ANKHD1: variants seen among roughly 807,000 people sequenced by gnomAD.
ANKHD1 encodes the protein ankyrin repeat and KH domain containing 1.
Under a neutral mutation model 230.5 loss-of-function variants are expected in ANKHD1, and 31 were observed. That is an observed-to-expected ratio of 0.13 (90% CI 0.10 to 0.18). The LOEUF is 0.18. ANKHD1 is among the 10% of genes least tolerant of loss of function. The pLI is 1.00. For missense variants in ANKHD1, 2,256 were observed against 3,071.3 expected, an observed-to-expected ratio of 0.73 and a Z score of 6.27; for synonymous variants, 1,074 against 1,117.6, an observed-to-expected ratio of 0.96 and a Z score of 0.78.
rs759387136 is a variant in ANKHD1 at position 140,529,748 on chromosome 5, G to T, written c.6802G>T (p.Ala2268Ser). Reference sequence around the variant, plus strand: ...AAACATGCACCCTGATAACTCAAAGGCACCTGGCTTCAGACCACCTTCCCA... The same window carrying T: ...AAACATGCACCCTGATAACTCAAAGTCACCTGGCTTCAGACCACCTTCCCA... ...LENMHPDNSK[A>S]PGFRPPSQRV... The change falls in exon 29 of 34, where the codon GCA becomes TCA. Residue 2268 changes from alanine (A) to serine (S), a missense_variant. By Grantham distance (99) the Ala-to-Ser change is moderately conservative (BLOSUM62 1). This residue lies in a region of ANKHD1 where 778 missense variants were observed against 966.5 expected (regional missense o/e 0.80). Transcript: ENST00000360839. 4 of 1,614,140 alleles carry T rather than the reference G, an allele frequency of 2.5e-6. No homozygotes were observed. Among genetic ancestry groups the T allele is most frequent in the Admixed American group, 1.7e-5 (1 of 59,998 alleles).
intron 15 of ANKHD1, among the ~76,000 whole-genome samples, chr5:140,498,831 C>T (rs140258875): frequency 1.4e-5 from 2 of 146,934 alleles, no homozygotes; most frequent in African/African-American, 5.0e-5. Flanking sequence ...ATCTGTGTTA[C>T]TGATTAGTTC....
At chr5:140,520,168 A>G (rs1396396433) in intron 24 of ANKHD1, among the ~76,000 whole-genome samples, 2 of 152,232 alleles carry the variant, frequency 1.3e-5, no homozygotes, top group African/African-American at 4.8e-5. Context: ...GCCAAAAAAC[A>G]CATGAAAAAA....
intron 7 of ANKHD1, among the ~76,000 whole-genome samples, chr5:140,451,444 G>A (rs1465667606): frequency 6.6e-6 from 1 of 152,158 alleles, no homozygotes; most frequent in East Asian, 1.9e-4. Flanking sequence ...GATTAAGGCT[G>A]GGCTAGTCAG....
At chr5:140,447,421 G>A (rs866613857) in intron 6 of ANKHD1, among the ~76,000 whole-genome samples, 3 of 151,648 alleles carry the variant, frequency 2.0e-5, no homozygotes, top group African/African-American at 7.3e-5. Context: ...TTGCCCAGGT[G>A]GCTCTCAACC....
chr5:140,513,320 C>A, intron 23 of ANKHD1, 43 bp from the exon 24 acceptor site: 1 of 1,546,562 alleles, frequency 6.5e-7, no homozygotes, highest in Non-Finnish European at 8.7e-7. Context: ...TTTTATTTGG[C>A]CTCTTTCATT....
intron 9 of ANKHD1, 112 bp downstream of exon 9, chr5:140,459,467 G>C: frequency 7.5e-7 from 1 of 1,325,666 alleles, no homozygotes; most frequent in Non-Finnish European, 9.8e-7. Flanking sequence ...GTGGTTACCA[G>C]AGTGTGGGCA....
chr5:140,446,340 AAC>A (rs1399257422), intron 6 of ANKHD1, among the ~76,000 whole-genome samples: 2 of 152,304 alleles, frequency 1.3e-5, no homozygotes, highest in Admixed American at 6.5e-5. Flanking sequence ...AAACCTGAAA[AAC>A]ACAGAGTAAC....
intron 29 of ANKHD1, chr5:140,533,012 C>A: frequency 5.0e-6 from 1 of 198,410 alleles, no homozygotes; most frequent in South Asian, 5.6e-5. Context: ...GCAGGTGAAT[C>A]GCTTGAACCT....
At chr5:140,472,302 G>A in intron 10 of ANKHD1, 2 of 1,613,522 alleles carry the variant, frequency 1.2e-6, no homozygotes, top group Non-Finnish European at 1.7e-6. Flanking sequence ...TCAGGTGAGG[G>A]TGGCCTTTGA....
chr5:140,510,274 T>A, intron 22 of ANKHD1, 93 bp downstream of exon 22: 1 of 1,381,890 alleles, frequency 7.2e-7, no homozygotes, highest in Non-Finnish European at 9.5e-7. Context: ...GAATTGAGTA[T>A]ATTTCCATAG....
chr5:140,498,601 G>A (rs765680986), intron 15 of ANKHD1, among the ~76,000 whole-genome samples: 3 of 152,108 alleles, frequency 2.0e-5, no homozygotes, highest in Non-Finnish European at 4.4e-5. Flanking sequence ...AATTAACTTT[G>A]TATTATTAGC....
At chr5:140,411,254 C>T (rs1296900210) in intron 1 of ANKHD1, among the ~76,000 whole-genome samples, 1 of 152,082 alleles carries the variant, frequency 6.6e-6, no homozygotes, top group Non-Finnish European at 1.5e-5. Flanking sequence ...TCATTTGGGA[C>T]CCTGGATAAA....
intron 7 of ANKHD1, among the ~76,000 whole-genome samples, chr5:140,457,505 C>T (rs1397038599): frequency 6.6e-6 from 1 of 152,096 alleles, no homozygotes; most frequent in Non-Finnish European, 1.5e-5. Flanking sequence ...ACATATACAC[C>T]ATGGAATACT....
chr5:140,418,381 C>T (rs537729465), intron 1 of ANKHD1, among the ~76,000 whole-genome samples: 1 of 152,194 alleles, frequency 6.6e-6, no homozygotes, highest in Admixed American at 6.5e-5. Context: ...TTCCTGAGCT[C>T]AAGCAGTCCT....
Position 140,496,671 on chromosome 5 carries a change from ACAG to A in ANKHD1, c.2399_2401del (p.Gln800del). On this transcript the variant is annotated inframe_deletion, in exon 15 of 34. Coordinates refer to ENST00000360839, the MANE Select transcript of ANKHD1 (RefSeq NM_017747.3). ...AAAGAATTAGTGCTATTGAAAAAGC[ACAG>A]CTTAAGTCACTGGAGTTAATTCAAG... 2 of 1,613,922 alleles carry A rather than the reference ACAG, an allele frequency of 1.2e-6. No homozygotes were observed. Among genetic ancestry groups the A allele is most frequent in the Non-Finnish European group, 1.7e-6 (2 of 1,179,972 alleles).
intron 5 of ANKHD1, among the ~76,000 whole-genome samples, chr5:140,443,651 G>A (rs1037302495): frequency 2.0e-5 from 3 of 150,630 alleles, no homozygotes; most frequent in Admixed American, 2.0e-4. Flanking sequence ...AGATCGTGTC[G>A]CCTGGGCGAC....
intron 1 of ANKHD1, among the ~76,000 whole-genome samples, chr5:140,432,228 C>T (rs548820290): frequency 6.6e-6 from 1 of 152,310 alleles, no homozygotes; most frequent in South Asian, 2.1e-4. Context: ...AAACTTCAGA[C>T]TCACTTACAG....
At chr5:140,536,963 G>T (rs1028487210) in intron 30 of ANKHD1, 1 of 152,918 alleles carries the variant, frequency 6.5e-6, no homozygotes, top group Admixed American at 6.5e-5. Context: ...AAAGGTTGCA[G>T]TGAGCCAAGA....
At chr5:140,443,438 C>T (rs1005808446) in intron 5 of ANKHD1, among the ~76,000 whole-genome samples, 4 of 151,756 alleles carry the variant, frequency 2.6e-5, no homozygotes, top group Non-Finnish European at 5.9e-5. Context: ...CGCCTGTAAT[C>T]CCAGCACTTT....
Sources: gnomAD v4.1 joint callset for allele counts (sites outside exome capture counted in the v4.1 genomes callset) on GRCh38, gnomAD v4.1.1 for gene constraint, gnomAD v4.1.1 regional missense constraint, MANE v1.5 for transcripts, NCBI Gene and HGNC (gene_info 2026-07-23, HGNC 2026-07-21) for gene names.